Variants in FCHO2 observed in about 807,000 individuals in gnomAD.
FCHO2 encodes the protein FCH and mu domain containing endocytic adaptor 2, also known as F-BAR domain only protein 2.
A neutral mutation model predicts 114.1 loss-of-function variants in FCHO2; 43 were observed. The ratio of observed to expected loss-of-function variants is 0.38; its 90% CI spans 0.30 to 0.49. FCHO2 has a LOEUF of 0.49. Among genes scored for constraint, FCHO2 ranks in the 20% least tolerant of loss-of-function variants. FCHO2 has a pLI of 0.97. For missense variants in FCHO2, 807 were observed against 950.4 expected (o/e 0.85, Z 1.98); for synonymous variants, 293 against 315.2 (o/e 0.93, Z 0.75).
At chr5:72,968,194 G>T (rs1393951303) in intron 1 of FCHO2, among the ~76,000 whole-genome samples, 1 of 152,134 alleles carries the variant, frequency 6.6e-6, no homozygotes, top group Non-Finnish European at 1.5e-5. Context: ...AAAGTGCTGG[G>T]ATTACAGGTG....
Position 72,979,541 on chromosome 5 carries a change from G to A in FCHO2, c.126-9886G>A, listed in dbSNP as rs1472610812. Among the ~76,000 whole-genome samples, 5 of 149,796 alleles carry A rather than the reference G, an allele frequency of 3.3e-5. No individual in the cohort carries two copies. In the South Asian group the frequency reaches 8.5e-4, roughly 25 times the overall value. On this transcript the variant is annotated intron_variant, in intron 2 of 25. Transcript: ENST00000430046. ...CGAGTAGCTGGGACTACAGGCGCCC[G>A]CTACCACGCCCGGCTAATTTTTTGT... is the stretch of plus-strand genomic sequence containing the variant.
Position 72,989,418 on chromosome 5 carries a change from A to T in FCHO2, c.126-9A>T, listed in dbSNP as rs1386321759. ...AGAAGTATTATGATGTGGATATTTGATTTAACAGAGCTACCATAGAGGAGG... is the reference window on the plus strand; with the variant it reads ...AGAAGTATTATGATGTGGATATTTGTTTTAACAGAGCTACCATAGAGGAGG... On this transcript the variant is annotated splice_polypyrimidine_tract_variant and intron_variant, in intron 2 of 25. Coordinates refer to ENST00000430046, the MANE Select transcript of FCHO2 (RefSeq NM_138782.3). 1 of 1,596,862 alleles carries T rather than the reference A, an allele frequency of 6.3e-7. No homozygotes were observed. Among genetic ancestry groups the T allele is most frequent in the Non-Finnish European group, 8.5e-7 (1 of 1,170,228 alleles).
intron 2 of FCHO2, among the ~76,000 whole-genome samples, chr5:72,974,465 C>A (rs1382867875): frequency 6.7e-6 from 1 of 150,200 alleles, no homozygotes; most frequent in East Asian, 2.0e-4. Context: ...TAATGGCCTT[C>A]TTTGTCTCTT....
intron 5 of FCHO2, among the ~76,000 whole-genome samples, chr5:72,992,243 T>C (rs945651100): frequency 4.6e-5 from 7 of 152,192 alleles, no homozygotes; most frequent in Non-Finnish European, 1.0e-4. Context: ...AGCAATATAT[T>C]GTGTTTGTAT....
intron 5 of FCHO2, among the ~76,000 whole-genome samples, chr5:72,998,367 G>C (rs996312772): frequency 2.0e-5 from 3 of 151,838 alleles, no homozygotes; most frequent in Non-Finnish European, 4.4e-5. Flanking sequence ...GGCGCCTGTA[G>C]TCCCAGCTAC....
chr5:72,966,637 A>G (rs1411002596), intron 1 of FCHO2, among the ~76,000 whole-genome samples: 1 of 152,254 alleles, frequency 6.6e-6, no homozygotes, highest in Admixed American at 6.5e-5. Context: ...AGGCAAAGTA[A>G]TTACTAGCTA....
rs1386788030 is a variant in FCHO2, at chr5:73,081,351, TGTG to T, written c.1981-429_1981-427del. Among the ~76,000 whole-genome samples the T allele has an allele frequency of 3.9e-5, 6 of 152,366 alleles. No homozygotes were observed. The East Asian group carries it at 7.7e-4, about 20-fold the overall frequency. On this transcript the variant is annotated intron_variant, in intron 22 of 25. Coordinates refer to ENST00000430046, the MANE Select transcript of FCHO2 (RefSeq NM_138782.3). The stretch of plus-strand genomic sequence containing the variant: ...AGTTGGAAGCATTCTAATTCCAACT[TGTG>T]GTACTACGTGGTGACCTTTTTTCTC...
chr5:72,999,750 C>T (rs10942525), intron 5 of FCHO2, among the ~76,000 whole-genome samples: 34,570 of 151,978 alleles, frequency 0.23, 4,287 homozygotes, highest in East Asian at 0.44. Context: ...ACTAAGTACT[C>T]ATTTTATATG....
At chr5:72,989,347 CT>C in intron 2 of FCHO2, 79 bp from the exon 3 acceptor site, 4 of 1,040,352 alleles carry the variant, frequency 3.8e-6, no homozygotes, top group Non-Finnish European at 4.2e-6. Flanking sequence ...TTGTTTTGCA[CT>C]TTTAATTGTA....
At chr5:72,963,514 T>G (rs970747507) in intron 1 of FCHO2, among the ~76,000 whole-genome samples, 1 of 152,174 alleles carries the variant, frequency 6.6e-6, no homozygotes, top group Non-Finnish European at 1.5e-5. Flanking sequence ...GAATAAGTAT[T>G]CTTTAATAGG....
intron 6 of FCHO2, among the ~76,000 whole-genome samples, chr5:73,007,087 T>C (rs1754757326): frequency 6.6e-6 from 1 of 152,212 alleles, no homozygotes; most frequent in Non-Finnish European, 1.5e-5. Flanking sequence ...CTTCTTGTCC[T>C]TTTCCTTGTT....
intron 23 of FCHO2, 92 bp downstream of exon 23, chr5:73,082,074 T>C (rs1237015299): frequency 7.9e-7 from 1 of 1,259,328 alleles, no homozygotes; most frequent in Admixed American, 2.9e-5. Context: ...TCTTAGAAGT[T>C]TGAAAAATTT....
intron 6 of FCHO2, among the ~76,000 whole-genome samples, 192 bp downstream of exon 6, chr5:73,006,741 T>C (rs1754739565): frequency 6.6e-6 from 1 of 152,152 alleles, no homozygotes; most frequent in South Asian, 2.1e-4. Flanking sequence ...TATAATGTCA[T>C]AAGGAATTAT....
intron 24 of FCHO2, among the ~76,000 whole-genome samples, chr5:73,084,510 C>T (rs1301620997): frequency 6.6e-6 from 1 of 152,218 alleles, no homozygotes; most frequent in Non-Finnish European, 1.5e-5. Context: ...AGTTGATCTG[C>T]CAGCCTCAGC....
chr5:72,969,060 T>A (rs1456651796), intron 2 of FCHO2, among the ~76,000 whole-genome samples: 1 of 152,206 alleles, frequency 6.6e-6, no homozygotes, highest in East Asian at 1.9e-4. Flanking sequence ...TCTTAGAATA[T>A]AGCGAATTTA....
intron 6 of FCHO2, among the ~76,000 whole-genome samples, chr5:73,008,393 G>A (rs1361148438): frequency 6.6e-6 from 1 of 152,166 alleles, no homozygotes; most frequent in Non-Finnish European, 1.5e-5. Flanking sequence ...ATTGGAGATG[G>A]CAGGGATAGG....
intron 11 of FCHO2, 51 bp from the exon 12 acceptor site, chr5:73,051,298 A>G: frequency 8.0e-7 from 1 of 1,252,932 alleles, no homozygotes; most frequent in Non-Finnish European, 1.1e-6. Flanking sequence ...AATCTCTAAT[A>G]ATTTTGTACA....
chr5:73,017,366 T>C, intron 8 of FCHO2, 58 bp downstream of exon 8: 4 of 1,112,222 alleles, frequency 3.6e-6, no homozygotes, highest in Non-Finnish European at 5.1e-6. Context: ...GTAACTAACA[T>C]ATTTGCCTTG....
At chr5:72,964,534 G>A (rs1198334230) in intron 1 of FCHO2, among the ~76,000 whole-genome samples, 1 of 152,042 alleles carries the variant, frequency 6.6e-6, no homozygotes, top group Non-Finnish European at 1.5e-5. Context: ...ACAGGGGCAC[G>A]CCACCACACC....
Sources: allele counts gnomAD v4.1 joint callset (sites outside exome capture counted in the v4.1 genomes callset), GRCh38; gene constraint gnomAD v4.1.1; transcripts MANE v1.5; gene names NCBI Gene and HGNC (gene_info 2026-07-23, HGNC 2026-07-21).